Variants in USP48 observed in about 807,000 individuals in gnomAD.
USP48 encodes the protein ubiquitin carboxyl-terminal hydrolase 48.
In USP48, 43 loss-of-function variants were observed where a neutral mutation model predicts 150.7. The ratio of observed to expected loss-of-function variants is 0.29; its 90% CI spans 0.22 to 0.37. The LOEUF is 0.37. USP48 is among the 10% of genes least tolerant of loss of function. USP48 has a pLI of 1.00. For missense variants in USP48, 813 were observed against 1,249.6 expected (o/e 0.65, Z 5.27); for synonymous variants, 396 against 425.9 (o/e 0.93, Z 0.86).
chr1:21,749,971 A>G (rs1390860887), intron 6 of USP48, among the ~76,000 whole-genome samples: 2 of 152,024 alleles, frequency 1.3e-5, no homozygotes, highest in African/African-American at 4.8e-5. Context: ...TCACCTCTTC[A>G]GTTACCCCGT....
chr1:21,775,018 TAAATAAA>T (rs2097894031), intron 1 of USP48, among the ~76,000 whole-genome samples: 1 of 149,508 alleles, frequency 6.7e-6, no homozygotes, highest in South Asian at 2.1e-4. Flanking sequence ...AATAAATAAA[TAAATAAA>T]TAAATAAATA....
chr1:21,682,164 T>C (rs112968403), intron 25 of USP48, among the ~76,000 whole-genome samples: 7 of 152,310 alleles, frequency 4.6e-5, no homozygotes, highest in African/African-American at 1.7e-4. Context: ...TTTGAAGCCC[T>C]GAATATGTTC....
At chr1:21,697,907 T>C (rs1480801258) in intron 22 of USP48, among the ~76,000 whole-genome samples, 1 of 152,030 alleles carries the variant, frequency 6.6e-6, no homozygotes, top group Non-Finnish European at 1.5e-5. Context: ...CCAACTTAAC[T>C]GACAAAAAAA....
At chr1:21,751,783 A>C (rs1038693387) in intron 5 of USP48, among the ~76,000 whole-genome samples, 168 bp from the exon 6 acceptor site, 1 of 152,154 alleles carries the variant, frequency 6.6e-6, no homozygotes, top group African/African-American at 2.4e-5. Flanking sequence ...ATTTTGGGAG[A>C]CCAAGGCGAG....
At chr1:21,782,170 A>G (rs979226614) in intron 1 of USP48, 4 of 152,220 alleles carry the variant, frequency 2.6e-5, no homozygotes, top group African/African-American at 9.6e-5. Context: ...AACGGGAGCA[A>G]AGCCTAAGGA....
intron 1 of USP48, among the ~76,000 whole-genome samples, chr1:21,765,841 T>C (rs1572026296): frequency 8.3e-6 from 1 of 121,212 alleles, no homozygotes; most frequent in Non-Finnish European, 1.7e-5. Context: ...GAAGCCGAGG[T>C]TGCAGTTAGC....
chr1:21,741,308 A>G (rs1176527246), intron 8 of USP48, among the ~76,000 whole-genome samples: 1 of 152,252 alleles, frequency 6.6e-6, no homozygotes, highest in African/African-American at 2.4e-5. Flanking sequence ...AAAACAAAAC[A>G]GGCCTCTTGT....
intron 1 of USP48, among the ~76,000 whole-genome samples, chr1:21,779,547 A>G (rs1401365369): frequency 6.6e-6 from 1 of 151,336 alleles, no homozygotes; most frequent in Admixed American, 6.6e-5. Flanking sequence ...CTCCGTCTCA[A>G]AAAAAAAATA....
At chr1:21,765,915 A>AGGC (rs2097861001) in intron 1 of USP48, among the ~76,000 whole-genome samples, 21 of 16,684 alleles carry the variant, frequency 1.3e-3, no homozygotes, top group Non-Finnish European at 3.4e-3. Context: ...AAAAAAAAAA[A>AGGC]AAAAAAAAAA....
At chr1:21,762,601 C>A (rs1158200048) in intron 1 of USP48, among the ~76,000 whole-genome samples, 3 of 152,290 alleles carry the variant, frequency 2.0e-5, no homozygotes, top group African/African-American at 7.2e-5. Flanking sequence ...GGCGCGGTGG[C>A]TCACGCCTGT....
chr1:21,770,159 A>AC (rs1236583960), intron 1 of USP48, among the ~76,000 whole-genome samples: 1 of 132,764 alleles, frequency 7.5e-6, no homozygotes, highest in Non-Finnish European at 1.8e-5. Context: ...CTCGTCCTCC[A>AC]CCAAAAAAAA....
chr1:21,688,700 G>A (rs1023951613), intron 24 of USP48, among the ~76,000 whole-genome samples: 7 of 151,442 alleles, frequency 4.6e-5, no homozygotes, highest in South Asian at 2.1e-4. Context: ...AAAATTGGCC[G>A]GGTGTGGTGG....
chr1:21,687,099 G>T, intron 25 of USP48, 92 bp downstream of exon 25: 1 of 1,229,040 alleles, frequency 8.1e-7, no homozygotes, highest in Non-Finnish European at 1.2e-6. Context: ...AAGGTTCAAA[G>T]TAAAAGCACT....
At chr1:21,716,852 C>A (rs951360712) in intron 14 of USP48, among the ~76,000 whole-genome samples, 1 of 151,800 alleles carries the variant, frequency 6.6e-6, no homozygotes, top group Non-Finnish European at 1.5e-5. Context: ...CACAGTGAAA[C>A]CTCGTCTCTA....
chr1:21,691,316 CAA>C (rs58202473), intron 23 of USP48, among the ~76,000 whole-genome samples: 2,828 of 83,552 alleles, frequency 0.034, 64 homozygotes, highest in African/African-American at 0.078. Flanking sequence ...CTCCCATCTC[CAA>C]AAAAAAAAAA....
intron 7 of USP48, among the ~76,000 whole-genome samples, chr1:21,747,693 C>A (rs1020548019): frequency 5.9e-5 from 9 of 152,152 alleles, no homozygotes; most frequent in Non-Finnish European, 1.3e-4. Flanking sequence ...CTGCCTCAGC[C>A]TCCCCAGTAG....
intron 1 of USP48, among the ~76,000 whole-genome samples, chr1:21,778,739 T>TC (rs1382804345): frequency 6.6e-6 from 1 of 150,992 alleles, no homozygotes; most frequent in Non-Finnish European, 1.5e-5. Flanking sequence ...AAAGTGGGAC[T>TC]CCATTTCCAC....
chr1:21,699,192 ATTT>A (rs71016932), intron 22 of USP48, among the ~76,000 whole-genome samples: 2 of 63,608 alleles, frequency 3.1e-5, no homozygotes, highest in Non-Finnish European at 3.1e-5. Context: ...ACCACACCTA[ATTT>A]TTTTTTTTTT....
At chr1:21,765,550 G>A (rs1418176730) in intron 1 of USP48, among the ~76,000 whole-genome samples, 2 of 151,406 alleles carry the variant, frequency 1.3e-5, no homozygotes, top group Non-Finnish European at 2.9e-5. Flanking sequence ...CCGGGAGGCG[G>A]AGGTTGCAGT....
Sources: gnomAD v4.1 joint callset for allele counts (sites outside exome capture counted in the v4.1 genomes callset) on GRCh38, gnomAD v4.1.1 for gene constraint, MANE v1.5 for transcripts, NCBI Gene and HGNC (gene_info 2026-07-23, HGNC 2026-07-21) for gene names.